The following RSF1 variants were observed in gnomAD, a reference collection of about 807,000 sequenced individuals.
RSF1 encodes remodeling and spacing factor 1, also known as HBV pX-associated protein 8.
A neutral mutation model predicts 145.2 loss-of-function variants in RSF1; 13 were observed. The ratio of observed to expected loss-of-function variants is 0.09; its 90% CI spans 0.06 to 0.14. RSF1 has a LOEUF of 0.14. Ranked by LOEUF, RSF1 falls within the 10% of genes least tolerant of loss-of-function variation. The pLI is 1.00. For synonymous variants in RSF1, 577 were observed against 592.6 expected, an observed-to-expected ratio of 0.97 and a Z score of 0.38; for missense variants, 1,517 against 1,718.2, an observed-to-expected ratio of 0.88 and a Z score of 2.07.
chr11:77,851,554 G>A, the RSF1 span: 1 of 152,134 alleles, frequency 6.6e-6, no homozygotes, highest in African/African-American at 2.4e-5. Flanking sequence ...CCCAATGTTG[G>A]AGGTGGGGCT....
chr11:77,672,055 G>C lies in RSF1; in HGVS notation c.3738C>G (p.Ser1246Arg). 1 of 1,611,412 alleles carries C rather than the reference G, an allele frequency of 6.2e-7. No homozygotes were observed. The highest frequency in any genetic ancestry group is 8.5e-7 in the Non-Finnish European group (1 of 1,179,430). ...IRRVHKRRLS[S>R]SESEESYLSK... ...CCTATGCCTTACCTTCACTCTCTGA[G>C]CTGGAAAGTCTTCGCTTGTGTACTC... Residue 1246 changes from serine to arginine, a missense_variant, in exon 15 of 16, where the codon AGC (serine) becomes AGG (arginine). Coordinates refer to ENST00000308488, the MANE Select transcript of RSF1 (RefSeq NM_016578.4).
At chr11:77,827,120 G>A in the RSF1 span, among the ~76,000 whole-genome samples, 3 of 151,422 alleles carry the variant, frequency 2.0e-5, no homozygotes, top group African/African-American at 4.8e-5. Context: ...AAAAAAAATC[G>A]AATTGGGAAT....
chr11:77,850,671 A>G, the RSF1 span: 1 of 152,198 alleles, frequency 6.6e-6, no homozygotes, highest in African/African-American at 2.4e-5. Context: ...CAGAATAGTT[A>G]TGTGAATAAT....
the RSF1 span, among the ~76,000 whole-genome samples, chr11:77,840,798 G>T: frequency 6.6e-6 from 1 of 152,072 alleles, no homozygotes; most frequent in African/African-American, 2.4e-5. Flanking sequence ...TGACATTTTA[G>T]ATAACATATT....
intron 1 of RSF1, among the ~76,000 whole-genome samples, chr11:77,780,371 T>C: frequency 6.6e-6 from 1 of 152,186 alleles, no homozygotes; most frequent in Admixed American, 6.5e-5. Context: ...ATAAAATATC[T>C]GTCTTCAGGA....
intron 1 of RSF1, among the ~76,000 whole-genome samples, chr11:77,773,466 G>T (rs1001123652): frequency 6.6e-6 from 1 of 151,780 alleles, no homozygotes; most frequent in Non-Finnish European, 1.5e-5. Context: ...TGCTCAATGG[G>T]GGCAAACACT....
the RSF1 span, among the ~76,000 whole-genome samples, chr11:77,834,641 C>T: frequency 1.3e-5 from 2 of 152,056 alleles, no homozygotes; most frequent in African/African-American, 4.8e-5. Flanking sequence ...TCTCGAACTC[C>T]TGACCTCAGG....
intron 2 of RSF1, among the ~76,000 whole-genome samples, chr11:77,761,628 G>A (rs1158918825): frequency 6.6e-6 from 1 of 152,092 alleles, no homozygotes; most frequent in African/African-American, 2.4e-5. Context: ...TGGTCAAGGT[G>A]TCTGAAATTG....
intron 1 of RSF1, chr11:77,813,630 G>C (rs1948751766): frequency 1.7e-6 from 1 of 605,390 alleles, no homozygotes; most frequent in Non-Finnish European, 3.1e-6. Context: ...TCGGTGAACT[G>C]CCACCTCCAG....
the RSF1 span, among the ~76,000 whole-genome samples, chr11:77,854,708 C>T: frequency 1.3e-5 from 2 of 152,174 alleles, no homozygotes; most frequent in South Asian, 4.1e-4. Context: ...TTTCCAGGTG[C>T]ATGGTGCAAG....
At position 77,702,406 on chromosome 11, in the gene RSF1, T is replaced by C; in HGVS notation, c.823A>G (p.Thr275Ala). The part of the protein sequence containing the change: ...RSTANVLEET[T>A]VKKEKEDEKE... ...TCATCTTCTTTTTCTTTTTTCACAG[T>C]AGTCTCTTCTAGAACATTGGCTGTA... The change falls in exon 6 of 16, where the codon ACT (threonine) becomes GCT (alanine). Residue 275 changes from threonine to alanine, a missense_variant. Physicochemically the swap from Thr to Ala is moderately conservative, Grantham distance 58. Coordinates refer to ENST00000308488, the MANE Select transcript of RSF1 (RefSeq NM_016578.4). 1 of 1,607,844 alleles carries C rather than the reference T, an allele frequency of 6.2e-7. No homozygotes were observed. The highest frequency in any genetic ancestry group is 8.5e-7 in the Non-Finnish European group (1 of 1,178,576).
intron 5 of RSF1, among the ~76,000 whole-genome samples, chr11:77,719,730 A>G (rs975136923): frequency 2.0e-5 from 3 of 152,370 alleles, no homozygotes; most frequent in East Asian, 3.9e-4. Flanking sequence ...AAAATGTGGT[A>G]TATCAATACA....
rs111276779 is a variant in RSF1 at position 77,741,333 on chromosome 11, AG to A, written c.373-398del. Among the ~76,000 whole-genome samples, 63 of 152,244 alleles carry A rather than the reference AG, an allele frequency of 4.1e-4. 1 individual carries two copies. The highest frequency in any genetic ancestry group is 1.5e-3 in the African/African-American group (61 of 41,542). ...CGAGGCAGGAGGATCGCTTGAGTCC[AG>A]GAGTTAAAGGCTAGCCTGGGCAACA... On this transcript the variant is annotated intron_variant, in intron 3 of 15. Coordinates refer to ENST00000308488, the MANE Select transcript of RSF1 (RefSeq NM_016578.4).
At chr11:77,824,716 G>C (rs1412311799), upstream of RSF1, among the ~76,000 whole-genome samples, 2 of 152,124 alleles carry the variant, frequency 1.3e-5, no homozygotes, top group African/African-American at 4.8e-5. Flanking sequence ...AGCTTGGAAG[G>C]GTATTGACTA....
At chr11:77,829,124 A>G in the RSF1 span, among the ~76,000 whole-genome samples, 5 of 152,210 alleles carry the variant, frequency 3.3e-5, no homozygotes, top group African/African-American at 9.7e-5. Context: ...AAGTTAAACA[A>G]TGTCATGAGG....
At chr11:77,819,200 G>A (rs895092007) in intron 1 of RSF1, among the ~76,000 whole-genome samples, 1 of 152,212 alleles carries the variant, frequency 6.6e-6, no homozygotes, top group African/African-American at 2.4e-5. Flanking sequence ...TATCTGTCTT[G>A]TACAATAACC....
intron 1 of RSF1, among the ~76,000 whole-genome samples, chr11:77,782,074 A>C (rs758778821): frequency 3.9e-5 from 6 of 152,060 alleles, no homozygotes; most frequent in Non-Finnish European, 8.8e-5. Flanking sequence ...CCATCCTTTT[A>C]CTTTTAACCT....
In RSF1 at chr11:77,686,408, CAAA is replaced by C. The variant is rs564410248; in HGVS notation, c.2901-1252_2901-1250del. Among the ~76,000 whole-genome samples the C allele has an allele frequency of 5.4e-4, 20 of 37,116 alleles. 1 individual carries two copies. Among genetic ancestry groups the C allele is most frequent in the East Asian group, 1.6e-3 (2 of 1,238 alleles). 24.3% of individuals were successfully genotyped at this position (37,116 alleles called of 152,430 possible). On this transcript the variant is annotated intron_variant, in intron 9 of 15. Transcript: ENST00000308488. Reference sequence around the variant, plus strand: ...GGGCATCAAGAGTGAGACCCTGTCTCAAAAAAAAAAAAAAAAAAAAGCAGGTGT... The same window carrying C: ...GGGCATCAAGAGTGAGACCCTGTCTCAAAAAAAAAAAAAAAAAGCAGGTGT...
At chr11:77,765,831 T>C (rs1447978805) in intron 1 of RSF1, among the ~76,000 whole-genome samples, 3 of 152,174 alleles carry the variant, frequency 2.0e-5, no homozygotes, top group Non-Finnish European at 2.9e-5. Flanking sequence ...CACTGTAATC[T>C]CCGCCTCCTG....
Sources: gnomAD v4.1 joint callset for allele counts (sites outside exome capture counted in the v4.1 genomes callset) on GRCh38, gnomAD v4.1.1 for gene constraint, MANE v1.5 for transcripts, NCBI Gene and HGNC (gene_info 2026-07-23, HGNC 2026-07-21) for gene names.